Variants in BUB3 observed in about 807,000 individuals in gnomAD.
BUB3 encodes BUB3 mitotic checkpoint protein.
Under a neutral mutation model 39.9 loss-of-function variants are expected in BUB3, and 22 were observed. The observed-to-expected ratio is 0.55, with a 90% CI of 0.39 to 0.79. The LOEUF is 0.79. BUB3 is among the 30% of genes least tolerant of loss of function. The pLI is 0.00. For missense variants in BUB3, 303 were observed against 415.4 expected (o/e 0.73, Z 2.35); for synonymous variants, 168 against 155.1 (o/e 1.08, Z -0.62).
rs773429750 is a variant in BUB3, at chr10:123,157,890, T to G, written c.417+10T>G. The G allele has an allele frequency of 1.9e-6, 3 of 1,609,374 alleles. No homozygotes were observed. The highest frequency in any genetic ancestry group is 2.5e-6 in the Non-Finnish European group (3 of 1,177,850). ...CTCTCAGCCTGAAAAGGTAGGCTCT[T>G]TATATTCATTGCAGGAGTTGATGGT... On this transcript the variant is annotated intron_variant, in intron 4 of 7. Coordinates refer to ENST00000368865, the MANE Select transcript of BUB3 (RefSeq NM_004725.4).
At chr10:123,156,434 G>T (rs1844348655) in intron 3 of BUB3, among the ~76,000 whole-genome samples, 1 of 152,208 alleles carries the variant, frequency 6.6e-6, no homozygotes, top group Admixed American at 6.5e-5. Flanking sequence ...CTAGAGAGAA[G>T]ATGAGTTGAG....
chr10:123,155,088 C>G lies in BUB3; in HGVS notation c.171C>G (p.Gly57=). The part of the protein sequence containing the change: ...NSMRLKYQHT[G]AVLDCAFYDP... ...TGCGGCTCAAGTACCAGCACACCGGCGCCGTCCTGGACTGCGCCTTCTACG... is the reference window on the plus strand; with the variant it reads ...TGCGGCTCAAGTACCAGCACACCGGGGCCGTCCTGGACTGCGCCTTCTACG... Residue 57 remains glycine (G), a synonymous_variant, in exon 2 of 8, where the codon GGC becomes GGG. Transcript: ENST00000368865. 1.9e-6 allele frequency: 3 copies of G among 1,614,046 alleles called. No individual in the cohort carries two copies. Among genetic ancestry groups the G allele is most frequent in the Non-Finnish European group, 2.5e-6 (3 of 1,179,998 alleles).
In BUB3 at chr10:123,164,688, T is replaced by C; in HGVS notation, c.*853T>C. ...GGTTTACATATTTCTCTGACATTTA[T>C]ATAGTTCTTATGTCCATTTCAGTTG... On this transcript the variant is annotated 3_prime_UTR_variant, in exon 8 of 8. Coordinates refer to ENST00000368865, the MANE Select transcript of BUB3 (RefSeq NM_004725.4). The C allele has an allele frequency of 9.7e-7, 1 of 1,026,466 alleles. No homozygotes were observed. Among genetic ancestry groups the C allele is most frequent in the Non-Finnish European group, 1.2e-6 (1 of 856,324 alleles). 63.6% of individuals were successfully genotyped at this position (1,026,466 alleles called of 1,614,324 possible). A position where few individuals can be genotyped will look rare whatever the true frequency, so the allele number is the denominator to read the frequency against.
Position 123,164,115 on chromosome 10 carries a change from A to AT in BUB3, c.*286dup. The AT allele has an allele frequency of 8.9e-7, 1 of 1,125,448 alleles. No individual in the cohort carries two copies. The highest frequency in any genetic ancestry group is 1.1e-6 in the Non-Finnish European group (1 of 921,758). 69.7% of individuals were successfully genotyped at this position (1,125,448 alleles called of 1,614,324 possible). A position where few individuals can be genotyped will look rare whatever the true frequency, so the allele number is the denominator to read the frequency against. The stretch of plus-strand genomic sequence containing the variant: ...TTGAGAATCAGTTTTGACCTTGATG[A>AT]TTTTTTGTTTCCACTGTGGAAATAA... On this transcript the variant is annotated 3_prime_UTR_variant, in exon 8 of 8. Transcript: ENST00000368865.
In BUB3 at chr10:123,167,448, TGCC is replaced by T. The variant is rs1844505957; in HGVS notation, c.*3614_*3616del. The T allele has an allele frequency of 6.6e-6, 1 of 152,198 alleles. No individual in the cohort carries two copies. Among genetic ancestry groups the T allele is most frequent in the African/African-American group, 2.4e-5 (1 of 41,458 alleles). The allele number at this position is 152,198 out of a possible 1,614,324, so 9.4% of individuals were successfully genotyped here. On this transcript the variant is annotated 3_prime_UTR_variant, in exon 8 of 8. Coordinates refer to ENST00000368865, the MANE Select transcript of BUB3 (RefSeq NM_004725.4). The stretch of plus-strand genomic sequence containing the variant: ...TACCTTTAGCAGTAGTTCCTCATAT[TGCC>T]TGGCATTTAAACATTTTTGTATGCG...
chr10:123,166,067 C>T lies in BUB3; in HGVS notation c.*2232C>T, dbSNP rs1216847463. 2 of 152,136 alleles carry T rather than the reference C, an allele frequency of 1.3e-5. No homozygotes were observed. The highest frequency in any genetic ancestry group is 1.5e-5 in the Non-Finnish European group (1 of 68,044). 9.4% of individuals were successfully genotyped at this position (152,136 alleles called of 1,614,324 possible). On this transcript the variant is annotated 3_prime_UTR_variant, in exon 8 of 8. Transcript: ENST00000368865. ...TCTTGTCTCTGGAAATCAAGTGTGC[C>T]TCCCTGCCATCTCTACATACCCCTT...
chr10:123,162,632 A>C lies in BUB3; in HGVS notation c.775A>C (p.Asn259His). 6.2e-7 allele frequency: 1 copy of C among 1,601,132 alleles called. No individual in the cohort carries two copies. The highest frequency in any genetic ancestry group is 8.5e-7 in the Non-Finnish European group (1 of 1,177,094). Reference sequence around the variant, plus strand: ...TCCAGGTGGTTCTGATGGCTTTGTAAATATTTGGGATCCATTTAACAAAAA... The same window carrying C: ...TCCAGGTGGTTCTGATGGCTTTGTACATATTTGGGATCCATTTAACAAAAA... ...FATGGSDGFV[N>H]IWDPFNKKRL... Residue 259 changes from asparagine to histidine, a missense_variant, in exon 7 of 8, where the codon AAT (asparagine) becomes CAT (histidine). Physicochemically the swap from Asn to His is moderately conservative, Grantham distance 68. Coordinates refer to ENST00000368865, the MANE Select transcript of BUB3 (RefSeq NM_004725.4).
Position 123,154,928 on chromosome 10 carries a change from C to G in BUB3, c.11C>G (p.Ser4Cys), listed in dbSNP as rs775350514. 1.9e-6 allele frequency: 3 copies of G among 1,613,450 alleles called. No individual in the cohort carries two copies. Among genetic ancestry groups the G allele is most frequent in the African/African-American group, 1.3e-5 (1 of 74,942 alleles). The change falls in exon 2 of 8, where the codon TCT becomes TGT. Residue 4 changes from serine to cysteine, a missense_variant. Around this residue, in one of 2 missense-constraint regions of BUB3, gnomAD observed 121 missense variants for 122.3 expected, o/e 0.99. Transcript: ENST00000368865. ...GCGCCTGTTCTGCAGATGACCGGTT[C>G]TAACGAGTTCAAGCTGAACCAGCCA... MTG[S>C]NEFKLNQPPE... is the part of the protein sequence containing the mutation.
chr10:123,158,920 T>C (rs949598984), intron 4 of BUB3, among the ~76,000 whole-genome samples: 2 of 152,226 alleles, frequency 1.3e-5, no homozygotes, highest in African/African-American at 4.8e-5. Context: ...ACTTGATTTA[T>C]GATCAGTGGG....
At chr10:123,163,626 G>A (rs1022996330) in intron 7 of BUB3, among the ~76,000 whole-genome samples, 194 bp from the exon 8 acceptor site, 43 of 152,208 alleles carry the variant, frequency 2.8e-4, no homozygotes, top group Non-Finnish European at 5.7e-4. Context: ...GATTGGTTGA[G>A]CCCCTAAGAG....
Position 123,164,720 on chromosome 10 carries a change from C to G in BUB3, c.*885C>G. On this transcript the variant is annotated 3_prime_UTR_variant, in exon 8 of 8. Coordinates refer to ENST00000368865, the MANE Select transcript of BUB3 (RefSeq NM_004725.4). ...CTTATGTCCATTTCAGTTGACCAGCCGCTGGTGATTAAAGTTAAAAAGAAA... is the reference window on the plus strand; with the variant it reads ...CTTATGTCCATTTCAGTTGACCAGCGGCTGGTGATTAAAGTTAAAAAGAAA... 9.4e-7 allele frequency: 1 copy of G among 1,062,580 alleles called. No homozygotes were observed. Among genetic ancestry groups the G allele is most frequent in the South Asian group, 4.1e-5 (1 of 24,436 alleles). 65.8% of individuals were successfully genotyped at this position (1,062,580 alleles called of 1,614,324 possible). A position where few individuals can be genotyped will look rare whatever the true frequency, so the allele number is the denominator to read the frequency against.
At chr10:123,161,509 A>G (rs1372623117) in intron 5 of BUB3, among the ~76,000 whole-genome samples, 2 of 152,144 alleles carry the variant, frequency 1.3e-5, no homozygotes, top group Non-Finnish European at 2.9e-5. Flanking sequence ...AATATTTTAT[A>G]TAGGATTATT....
rs1844476712 is a variant in BUB3 at position 123,165,333 on chromosome 10, C to T, written c.*1498C>T. 1 of 340,170 alleles carries T rather than the reference C, an allele frequency of 2.9e-6. No homozygotes were observed. The highest frequency in any genetic ancestry group is 5.3e-6 in the Non-Finnish European group (1 of 188,802). The allele number at this position is 340,170 out of a possible 1,614,324, so 21.1% of individuals were successfully genotyped here. A position where few individuals can be genotyped will look rare whatever the true frequency, so the allele number is the denominator to read the frequency against. On this transcript the variant is annotated 3_prime_UTR_variant, in exon 8 of 8. Coordinates refer to ENST00000368865, the MANE Select transcript of BUB3 (RefSeq NM_004725.4). ...GTAATATACTCTAAACCTGTTATTTCTGTGCTAATAAACGAGATGCAGAAC... is the reference window on the plus strand; with the variant it reads ...GTAATATACTCTAAACCTGTTATTTTTGTGCTAATAAACGAGATGCAGAAC...
chr10:123,165,184 T>A lies in BUB3; in HGVS notation c.*1349T>A. 1 of 1,111,138 alleles carries A rather than the reference T, an allele frequency of 9.0e-7. No homozygotes were observed. Among genetic ancestry groups the A allele is most frequent in the Non-Finnish European group, 1.3e-6 (1 of 746,320 alleles). 68.8% of individuals were successfully genotyped at this position (1,111,138 alleles called of 1,614,324 possible). ...TTTTCTGTCTTACAAGAAACTTGTC[T>A]ATGTACCTTAATACTTTGTTTAGGA... On this transcript the variant is annotated 3_prime_UTR_variant, in exon 8 of 8. Transcript: ENST00000368865.
chr10:123,160,439 G>T lies in BUB3; in HGVS notation c.450G>T (p.Leu150=). ...CCCTCTCAGTGTCTGGAGACCGGCTGATTGTGGGAACAGCAGGCCGCAGAG... is the reference window on the plus strand; with the variant it reads ...CCCTCTCAGTGTCTGGAGACCGGCTTATTGTGGGAACAGCAGGCCGCAGAG... The part of the protein sequence containing the change: ...VYTLSVSGDR[L]IVGTAGRRVL... The change falls in exon 5 of 8, where the codon CTG becomes CTT. Residue 150 remains leucine (L), a synonymous_variant. Transcript: ENST00000368865. 6.2e-7 allele frequency: 1 copy of T among 1,611,868 alleles called. No individual in the cohort carries two copies. The highest frequency in any genetic ancestry group is 1.1e-5 in the South Asian group (1 of 90,706).
At position 123,164,936 on chromosome 10, in the gene BUB3, T is replaced by A; in HGVS notation, c.*1101T>A. On this transcript the variant is annotated 3_prime_UTR_variant, in exon 8 of 8. Coordinates refer to ENST00000368865, the MANE Select transcript of BUB3 (RefSeq NM_004725.4). ...TGAGATTTATTTTATCCGTGATGTA[T>A]TTTTTTTAATTCTTTTGATACAGAG... The A allele has an allele frequency of 6.8e-7, 1 of 1,464,296 alleles. No homozygotes were observed. Among genetic ancestry groups the A allele is most frequent in the Non-Finnish European group, 9.0e-7 (1 of 1,105,266 alleles). The allele number at this position is 1,464,296 out of a possible 1,614,324, so 90.7% of individuals were successfully genotyped here. A position where few individuals can be genotyped will look rare whatever the true frequency, so the allele number is the denominator to read the frequency against.
At position 123,164,631 on chromosome 10, in the gene BUB3, ATC is replaced by A; in HGVS notation, c.*800_*801del. ...CAGGCATCTATTTGGACCTGTTTCTATCTCTAAATGAATTTTTGGAAACATTA... is the reference window on the plus strand; with the variant it reads ...CAGGCATCTATTTGGACCTGTTTCTATCTAAATGAATTTTTGGAAACATTA... On this transcript the variant is annotated 3_prime_UTR_variant, in exon 8 of 8. Coordinates refer to ENST00000368865, the MANE Select transcript of BUB3 (RefSeq NM_004725.4). 2 of 993,142 alleles carry A rather than the reference ATC, an allele frequency of 2.0e-6. No homozygotes were observed. Among genetic ancestry groups the A allele is most frequent in the Non-Finnish European group, 2.4e-6 (2 of 834,990 alleles). 61.5% of individuals were successfully genotyped at this position (993,142 alleles called of 1,614,324 possible).
intron 5 of BUB3, among the ~76,000 whole-genome samples, chr10:123,161,935 G>A (rs942893287): frequency 6.6e-6 from 1 of 152,160 alleles, no homozygotes; most frequent in African/African-American, 2.4e-5. Flanking sequence ...CTGCTGGGCA[G>A]GACAACAAAT....
intron 5 of BUB3, among the ~76,000 whole-genome samples, chr10:123,161,380 T>A (rs538478100): frequency 9.1e-4 from 139 of 152,348 alleles, no homozygotes; most frequent in Non-Finnish European, 1.5e-3. Flanking sequence ...CCTTTTTTTT[T>A]AGGAAATTGT....
Sources: gnomAD v4.1 joint callset for allele counts (sites outside exome capture counted in the v4.1 genomes callset) on GRCh38, gnomAD v4.1.1 for gene constraint, gnomAD v4.1.1 regional missense constraint, MANE v1.5 for transcripts, NCBI Gene and HGNC (gene_info 2026-07-23, HGNC 2026-07-21) for gene names.